The following UNC5D variants were observed in gnomAD, a reference collection of about 807,000 sequenced individuals.
UNC5D encodes netrin receptor UNC5D.
In UNC5D, 39 loss-of-function variants were observed where a neutral mutation model predicts 105.4. The observed-to-expected ratio is 0.37, with a 90% CI of 0.29 to 0.48. The LOEUF (loss-of-function observed/expected upper bound fraction) is 0.48, where lower values mean the gene tolerates loss of function less well. Ranked by LOEUF, UNC5D falls within the 20% of genes least tolerant of loss-of-function variation. The pLI, the probability that UNC5D is intolerant of heterozygous loss-of-function variation, is 0.98. For synonymous variants in UNC5D, 452 were observed against 450.4 expected (o/e 1.00, Z -0.04); for missense variants, 991 against 1,202.4 (o/e 0.82, Z 2.60).
At chr8:35,236,109 C>T (rs1802441360) in intron 1 of UNC5D, among the ~76,000 whole-genome samples, 1 of 152,216 alleles carries the variant, frequency 6.6e-6, no homozygotes, top group African/African-American at 2.4e-5. Context: ...GTGACCCGGG[C>T]CCCTACCGTT....
intron 1 of UNC5D, among the ~76,000 whole-genome samples, chr8:35,370,825 A>G (rs1054532432): frequency 6.6e-6 from 1 of 152,210 alleles, no homozygotes; most frequent in Non-Finnish European, 1.5e-5. Flanking sequence ...TGGTAAAACA[A>G]TGTAGTCAAC....
chr8:35,318,870 A>G (rs1008770034), intron 1 of UNC5D, among the ~76,000 whole-genome samples: 1 of 152,110 alleles, frequency 6.6e-6, no homozygotes, highest in South Asian at 2.1e-4. Flanking sequence ...GCTGTAACCT[A>G]TCCATTACGA....
At chr8:35,496,671 G>C (rs1374096630) in intron 1 of UNC5D, among the ~76,000 whole-genome samples, 1 of 152,126 alleles carries the variant, frequency 6.6e-6, no homozygotes, top group Non-Finnish European at 1.5e-5. Flanking sequence ...CCACTTTTAA[G>C]TGTACAACTC....
intron 1 of UNC5D, among the ~76,000 whole-genome samples, chr8:35,473,718 C>T (rs1023404987): frequency 2.0e-5 from 3 of 152,120 alleles, no homozygotes; most frequent in Admixed American, 6.5e-5. Flanking sequence ...AAAAATCTAA[C>T]ATATGTGGAC....
chr8:35,482,819 T>TTTTTG (rs1810568121), intron 1 of UNC5D, among the ~76,000 whole-genome samples: 1 of 145,180 alleles, frequency 6.9e-6, no homozygotes. Context: ...TTTTTTTTTT[T>TTTTTG]GAGATGAAGT....
intron 1 of UNC5D, among the ~76,000 whole-genome samples, chr8:35,481,025 A>G (rs1312500105): frequency 3.3e-5 from 5 of 152,198 alleles, no homozygotes; most frequent in Non-Finnish European, 7.3e-5. Context: ...TGAGAACCTG[A>G]GATGTTAACA....
At chr8:35,404,106 A>G (rs530206969) in intron 1 of UNC5D, among the ~76,000 whole-genome samples, 1 of 152,340 alleles carries the variant, frequency 6.6e-6, no homozygotes, top group African/African-American at 2.4e-5. Context: ...ATAGGACATG[A>G]AGTTGCTAGA....
chr8:35,713,738 TG>T (rs1238452945), intron 8 of UNC5D, among the ~76,000 whole-genome samples: 1 of 152,126 alleles, frequency 6.6e-6, no homozygotes, highest in African/African-American at 2.4e-5. Flanking sequence ...TGGTTGGAAT[TG>T]AAGCAGATAT....
intron 2 of UNC5D, among the ~76,000 whole-genome samples, chr8:35,562,908 A>G (rs1817061314): frequency 6.6e-6 from 1 of 151,974 alleles, no homozygotes; most frequent in Admixed American, 6.6e-5. Flanking sequence ...GAGTTTCTTC[A>G]ATGTTTTCTT....
intron 11 of UNC5D, among the ~76,000 whole-genome samples, chr8:35,736,348 G>A (rs1200993668): frequency 6.6e-6 from 1 of 152,158 alleles, no homozygotes; most frequent in Admixed American, 6.5e-5. Context: ...TCCAGCCTGG[G>A]CTATACAGCG....
chr8:35,371,746 T>C (rs931206287), intron 1 of UNC5D, among the ~76,000 whole-genome samples: 1 of 152,234 alleles, frequency 6.6e-6, no homozygotes, highest in Non-Finnish European at 1.5e-5. Flanking sequence ...TTCTGGGTCC[T>C]AGAGGTTTTC....
chr8:35,635,229 C>G (rs1822290021), intron 4 of UNC5D, among the ~76,000 whole-genome samples: 1 of 152,150 alleles, frequency 6.6e-6, no homozygotes, highest in Non-Finnish European at 1.5e-5. Context: ...TCCTCCATGT[C>G]AGGTATCTCA....
chr8:35,573,934 C>A (rs1654507844), intron 3 of UNC5D, among the ~76,000 whole-genome samples: 1 of 152,102 alleles, frequency 6.6e-6, no homozygotes, highest in Admixed American at 6.6e-5. Context: ...TAAATAAAGC[C>A]AACCTACATT....
At chr8:35,677,466 G>T (rs1470019065) in intron 4 of UNC5D, among the ~76,000 whole-genome samples, 1 of 151,990 alleles carries the variant, frequency 6.6e-6, no homozygotes, top group African/African-American at 2.4e-5. Flanking sequence ...CTGGTGTAGA[G>T]AATTTTTTTT....
intron 1 of UNC5D, among the ~76,000 whole-genome samples, chr8:35,391,704 A>G (rs755412106): frequency 1.2e-4 from 18 of 152,304 alleles, no homozygotes; most frequent in Admixed American, 2.0e-4. Context: ...GGAAAATAGG[A>G]AGCGTATTTA....
intron 14 of UNC5D, among the ~76,000 whole-genome samples, chr8:35,765,268 T>C (rs1282236377): frequency 6.6e-6 from 1 of 152,150 alleles, no homozygotes; most frequent in Non-Finnish European, 1.5e-5. Context: ...TAAAATGTAG[T>C]TTTTAGGCTT....
intron 1 of UNC5D, among the ~76,000 whole-genome samples, chr8:35,261,346 C>T (rs1218075553): frequency 1.3e-5 from 2 of 152,160 alleles, no homozygotes; most frequent in African/African-American, 4.8e-5. Flanking sequence ...AAAAAATGAA[C>T]TCTATTTTAT....
chr8:35,485,233 A>G (rs993389605), intron 1 of UNC5D, among the ~76,000 whole-genome samples: 3 of 152,166 alleles, frequency 2.0e-5, no homozygotes, highest in Admixed American at 6.5e-5. Context: ...TTTGGCCTCA[A>G]GTTCATTCTG....
chr8:35,706,263 A>G (rs184533071), intron 8 of UNC5D, among the ~76,000 whole-genome samples: 1 of 152,224 alleles, frequency 6.6e-6, no homozygotes, highest in East Asian at 1.9e-4. Context: ...CATTAAAATT[A>G]ATAAATATTT....
Sources: allele counts gnomAD v4.1 joint callset (sites outside exome capture counted in the v4.1 genomes callset), GRCh38; gene constraint gnomAD v4.1.1; transcripts MANE v1.5; gene names NCBI Gene and HGNC (gene_info 2026-07-23, HGNC 2026-07-21).